The following SNW1 variants were observed in gnomAD, a reference collection of about 807,000 sequenced individuals.
SNW1 encodes SNW domain-containing protein 1.
SNW1 carries 9 observed loss-of-function variants against 75.6 expected under a neutral mutation model. That is an observed-to-expected ratio of 0.12 (90% CI 0.07 to 0.21). SNW1 has a LOEUF of 0.21. Ranked by LOEUF, SNW1 falls within the 10% of genes least tolerant of loss-of-function variation. The probability of loss-of-function intolerance (pLI) is 1.00; values close to 1 mark genes in which losing one functional copy is unlikely to be tolerated. For missense variants in SNW1, 409 were observed against 670.9 expected, an observed-to-expected ratio of 0.61 and a Z score of 4.31; for synonymous variants, 200 against 219.1, an observed-to-expected ratio of 0.91 and a Z score of 0.77.
Position 77,761,021 on chromosome 14 carries a change from G to C in SNW1, c.14+93C>G, listed in dbSNP as rs756494494. The C allele has an allele frequency of 5.6e-6, 9 of 1,614,198 alleles. No homozygotes were observed. The South Asian group carries it at 8.8e-5, about 16-fold the overall frequency. ...TGGCCCACGTCATTCTGTGCCCCGGGTCAGGTCACCGCCCGGAGGGTATGG... is the reference window on the plus strand; with the variant it reads ...TGGCCCACGTCATTCTGTGCCCCGGCTCAGGTCACCGCCCGGAGGGTATGG... On this transcript the variant is annotated intron_variant, in intron 1 of 13. Transcript: ENST00000261531.
intron 1 of SNW1, among the ~76,000 whole-genome samples, chr14:77,755,685 G>A (rs369816484): frequency 6.7e-6 from 1 of 150,010 alleles, no homozygotes; most frequent in African/African-American, 2.5e-5. Flanking sequence ...CCAAAGTGCT[G>A]GAATTACAGA....
intron 3 of SNW1, among the ~76,000 whole-genome samples, chr14:77,747,973 G>A (rs1420267157): frequency 6.6e-6 from 1 of 152,236 alleles, no homozygotes; most frequent in Non-Finnish European, 1.5e-5. Flanking sequence ...AATGGAGAGG[G>A]GGGAAATGTG....
chr14:77,737,714 G>A (rs972588990), intron 5 of SNW1, among the ~76,000 whole-genome samples: 3 of 152,190 alleles, frequency 2.0e-5, no homozygotes, highest in African/African-American at 7.2e-5. Context: ...CATAGGGCCA[G>A]GCCGGGTGGC....
chr14:77,760,749 A>G (rs1594814074), intron 1 of SNW1: 1 of 702,662 alleles, frequency 1.4e-6, no homozygotes, highest in African/African-American at 1.7e-5. Context: ...CGCGCGCTTC[A>G]CTCCGCCCAA....
chr14:77,721,741 T>A (rs1049831849), intron 11 of SNW1, among the ~76,000 whole-genome samples: 1 of 152,160 alleles, frequency 6.6e-6, no homozygotes, highest in Admixed American at 6.6e-5. Context: ...TATTTATTTT[T>A]ATTTTTTTAT....
chr14:77,742,542 GACTA>G (rs2080726921), intron 3 of SNW1, among the ~76,000 whole-genome samples: 1 of 152,134 alleles, frequency 6.6e-6, no homozygotes, highest in Non-Finnish European at 1.5e-5. Flanking sequence ...GAACTAGACT[GACTA>G]AAAGGATAAG....
intron 2 of SNW1, among the ~76,000 whole-genome samples, chr14:77,754,573 C>G (rs962307845): frequency 1.3e-5 from 2 of 152,072 alleles, no homozygotes; most frequent in African/African-American, 4.8e-5. Context: ...GGAAAGTTGT[C>G]TCTTCAGGGT....
At chr14:77,745,193 A>C (rs1308635552) in intron 3 of SNW1, among the ~76,000 whole-genome samples, 1 of 152,158 alleles carries the variant, frequency 6.6e-6, no homozygotes, top group Non-Finnish European at 1.5e-5. Flanking sequence ...AGAGTAGAGA[A>C]GAGGGACACT....
At chr14:77,739,767 G>A (rs763648678) in intron 3 of SNW1, among the ~76,000 whole-genome samples, 1 of 152,016 alleles carries the variant, frequency 6.6e-6, no homozygotes, top group African/African-American at 2.4e-5. Flanking sequence ...ATAGAATACT[G>A]GTTACTTTCA....
At chr14:77,720,946 G>A (rs757026586) in intron 11 of SNW1, 118 bp from the exon 12 acceptor site, 22 of 710,678 alleles carry the variant, frequency 3.1e-5, no homozygotes, top group Non-Finnish European at 4.5e-5. Context: ...TTCACATCTT[G>A]TGAACATATA....
chr14:77,720,880 A>G (rs539984174), intron 11 of SNW1, 52 bp from the exon 12 acceptor site: 15 of 1,082,656 alleles, frequency 1.4e-5, no homozygotes, highest in African/African-American at 1.1e-4. Context: ...GACAAGCTGA[A>G]TATGTTCAAT....
At chr14:77,738,168 A>G (rs1019736199) in intron 5 of SNW1, among the ~76,000 whole-genome samples, 4 of 151,774 alleles carry the variant, frequency 2.6e-5, no homozygotes, top group Non-Finnish European at 4.4e-5. Context: ...TTAGCCAGGT[A>G]TGGTGGTGGG....
At chr14:77,719,875 C>T (rs1566825089) in intron 12 of SNW1, among the ~76,000 whole-genome samples, 1 of 152,320 alleles carries the variant, frequency 6.6e-6, no homozygotes, top group South Asian at 2.1e-4. Flanking sequence ...CTTAAAACCT[C>T]CAAGTCATAA....
rs1313668797 is a variant in SNW1 at position 77,739,146 on chromosome 14, T to C, written c.331-85A>G. On this transcript the variant is annotated intron_variant, in intron 3 of 13. Transcript: ENST00000261531. ...AGCCATTTCAGATGTCAACATGCCC[T>C]CTCAGCACACTTAAAAATTTAGGAC... is the stretch of plus-strand genomic sequence containing the variant. 8 of 899,176 alleles carry C rather than the reference T, an allele frequency of 8.9e-6. No individual in the cohort carries two copies. The East Asian group carries it at 1.9e-4, about 22-fold the overall frequency. 55.7% of individuals were successfully genotyped at this position (899,176 alleles called of 1,614,324 possible). A position where few individuals can be genotyped will look rare whatever the true frequency, so the allele number is the denominator to read the frequency against.
At chr14:77,719,749 TAA>T (rs1043952575) in intron 12 of SNW1, among the ~76,000 whole-genome samples, 18 of 152,348 alleles carry the variant, frequency 1.2e-4, no homozygotes, top group African/African-American at 3.8e-4. Flanking sequence ...ATCTATAACA[TAA>T]GAGATAATAG....
chr14:77,744,118 A>T (rs541991015), intron 3 of SNW1, among the ~76,000 whole-genome samples: 13 of 145,928 alleles, frequency 8.9e-5, no homozygotes, highest in African/African-American at 3.1e-4. Flanking sequence ...CCTGGGTGAC[A>T]GAGTGAGACT....
intron 1 of SNW1, 108 bp downstream of exon 1, chr14:77,761,006 C>T: frequency 1.2e-6 from 2 of 1,613,596 alleles, no homozygotes; most frequent in African/African-American, 1.3e-5. Flanking sequence ...TGGCCCACGT[C>T]ATTCTGTGCC....
At chr14:77,751,524 G>A in intron 2 of SNW1, 44 bp from the exon 3 acceptor site, 1 of 1,449,206 alleles carries the variant, frequency 6.9e-7, no homozygotes. Flanking sequence ...ATCATCATTT[G>A]ACATTCAAGA....
rs1392729789 is a variant in SNW1 at position 77,737,086 on chromosome 14, C to G, written c.534-11G>C. ...TGAGATGGTGTGTATCTGAAGAAAG[C>G]AGATAAAAACTAAAGGTGTAATTAG... On this transcript the variant is annotated splice_polypyrimidine_tract_variant and intron_variant, in intron 5 of 13. Coordinates refer to ENST00000261531, the MANE Select transcript of SNW1 (RefSeq NM_012245.3). 3.8e-6 allele frequency: 6 copies of G among 1,590,470 alleles called. No individual in the cohort carries two copies. Among genetic ancestry groups the G allele is most frequent in the Non-Finnish European group, 5.2e-6 (6 of 1,159,316 alleles).
Sources: gnomAD v4.1 joint callset for allele counts (sites outside exome capture counted in the v4.1 genomes callset) on GRCh38, gnomAD v4.1.1 for gene constraint, MANE v1.5 for transcripts, NCBI Gene and HGNC (gene_info 2026-07-23, HGNC 2026-07-21) for gene names.